The following NUP98 variants were observed in gnomAD, a reference collection of about 807,000 sequenced individuals.
NUP98 encodes the protein nuclear pore complex protein Nup98-Nup96.
In NUP98, 26 loss-of-function variants were observed where a neutral mutation model predicts 191.9. The ratio of observed to expected loss-of-function variants is 0.14; its 90% confidence interval spans 0.10 to 0.19. NUP98 has a LOEUF of 0.19. Ranked by LOEUF, NUP98 falls within the 10% of genes least tolerant of loss-of-function variation. The pLI is 1.00. For synonymous variants in NUP98, 808 were observed against 778.4 expected (o/e 1.04, Z -0.63); for missense variants, 1,941 against 2,178.8 (o/e 0.89, Z 2.17).
At chr11:3,702,309 ACACACTCTCTCTCTCTCTCTCTCT>A (rs1188551281) in intron 23 of NUP98, among the ~76,000 whole-genome samples, 130 bp downstream of exon 23, 116 of 53,824 alleles carry the variant, frequency 2.2e-3, no homozygotes, top group South Asian at 2.6e-3. Flanking sequence ...ACACACACAC[ACACACTCTCTCTCTCTCTCTCTCT>A]CTCTCTCTCT....
At chr11:3,724,169 C>T (rs575097566) in intron 15 of NUP98, among the ~76,000 whole-genome samples, 3 of 151,924 alleles carry the variant, frequency 2.0e-5, no homozygotes, top group African/African-American at 4.8e-5. Context: ...TGGTGGATAA[C>T]GCTTGTAATC....
chr11:3,709,545 T>G (rs1364183806), intron 20 of NUP98, among the ~76,000 whole-genome samples: 1 of 151,214 alleles, frequency 6.6e-6, no homozygotes, highest in Non-Finnish European at 1.5e-5. Flanking sequence ...TCTAAAACAA[T>G]AAATAAATAA....
intron 27 of NUP98, among the ~76,000 whole-genome samples, chr11:3,692,469 T>C (rs2078347117): frequency 6.6e-6 from 1 of 151,198 alleles, no homozygotes; most frequent in Non-Finnish European, 1.5e-5. Context: ...CTACTAAAAA[T>C]ACAAAAAATT....
intron 8 of NUP98, among the ~76,000 whole-genome samples, chr11:3,764,404 G>A (rs925323195): frequency 1.3e-5 from 2 of 152,126 alleles, no homozygotes; most frequent in East Asian, 3.8e-4. Context: ...ATGCTGTTAT[G>A]TTCACTTGTG....
chr11:3,683,712 A>G (rs938735798), intron 29 of NUP98, among the ~76,000 whole-genome samples: 6 of 63,998 alleles, frequency 9.4e-5, no homozygotes, highest in African/African-American at 2.2e-4. Flanking sequence ...CTAATTTTGT[A>G]ATTTTAGTAG....
At chr11:3,792,535 C>T (rs1221804315) in intron 1 of NUP98, among the ~76,000 whole-genome samples, 3 of 151,734 alleles carry the variant, frequency 2.0e-5, no homozygotes, top group African/African-American at 4.8e-5. Context: ...CACCTGAACC[C>T]GGAATGCAGA....
intron 1 of NUP98, among the ~76,000 whole-genome samples, chr11:3,794,114 G>T (rs2082449063): frequency 6.6e-6 from 1 of 152,164 alleles, no homozygotes. Flanking sequence ...ATGGGTAGAG[G>T]TAGGAATGTT....
chr11:3,729,294 G>A (rs1322830882), intron 14 of NUP98, among the ~76,000 whole-genome samples: 5 of 152,050 alleles, frequency 3.3e-5, no homozygotes, highest in African/African-American at 7.2e-5. Flanking sequence ...CAGTAAAGGG[G>A]ACTGAGAAGC....
chr11:3,720,617 G>A lies in NUP98; in HGVS notation c.2260+95C>T, dbSNP rs192179589. 1,180 of 627,926 alleles carry A rather than the reference G, an allele frequency of 1.9e-3. 6 individuals are homozygous for A. Among genetic ancestry groups the A allele is most frequent in the Non-Finnish European group, 2.3e-3 (826 of 355,670 alleles). 38.9% of individuals were successfully genotyped at this position (627,926 alleles called of 1,614,324 possible). A position where few individuals can be genotyped will look rare whatever the true frequency, so the allele number is the denominator to read the frequency against. ...TCAGGCCAAGGTGGGCCCAAATGTA[G>A]GAAAATGAAGATTCAGCTATCAAAA... On this transcript the variant is annotated intron_variant, in intron 17 of 32. Transcript: ENST00000324932.
In NUP98 at chr11:3,746,294, A is replaced by AAAAAAAAAAG. The variant is rs144936005; in HGVS notation, c.1268-1646_1268-1645insCTTTTTTTTT. Among the ~76,000 whole-genome samples the AAAAAAAAAAG allele has an allele frequency of 7.5e-4, 70 of 93,056 alleles. 10 individuals are homozygous for AAAAAAAAAAG. The highest frequency in any genetic ancestry group is 1.7e-3 in the East Asian group (6 of 3,578). 61.0% of individuals were successfully genotyped at this position (93,056 alleles called of 152,430 possible). On this transcript the variant is annotated intron_variant, in intron 11 of 32. Coordinates refer to ENST00000324932, the MANE Select transcript of NUP98 (RefSeq NM_016320.5). ...CAAAAAAAAAAAAAAAAAAAAAAAA[A>AAAAAAAAAAG]GACAGCTTTGGGACAAAGAATAAGA...
chr11:3,722,102 ATTC>A (rs1200633341), intron 16 of NUP98, among the ~76,000 whole-genome samples: 1 of 147,540 alleles, frequency 6.8e-6, no homozygotes, highest in African/African-American at 2.5e-5. Flanking sequence ...AGCACCTGGA[ATTC>A]TTTTTTTTTT....
chr11:3,775,051 CAT>C (rs780447167), intron 5 of NUP98, among the ~76,000 whole-genome samples: 53 of 152,306 alleles, frequency 3.5e-4, no homozygotes, highest in African/African-American at 9.1e-4. Context: ...TGGCATTCCA[CAT>C]GTTTCTGTAA....
chr11:3,705,208 C>T lies in NUP98; in HGVS notation c.3074G>A (p.Arg1025His), dbSNP rs148842868. 1.1e-4 allele frequency: 170 copies of T among 1,614,038 alleles called. No individual in the cohort carries two copies. The Admixed American group carries it at 1.6e-3, about 16-fold the overall frequency. The change falls in exon 22 of 33, where the codon CGT becomes CAT. Residue 1025 changes from arginine (R) to histidine (H), a missense_variant. Physicochemically the swap from Arg to His is conservative, Grantham distance 29 (BLOSUM62 0). This residue lies in a region of NUP98 where 1,030 missense variants were observed against 1,115.8 expected (regional missense o/e 0.92). Coordinates refer to ENST00000324932, the MANE Select transcript of NUP98 (RefSeq NM_016320.5). ...CATCTTTTATACTGTACCTAGTGAACGAGTTTTCGACGAGTGGGATGCTGA... is the reference window on the plus strand; with the variant it reads ...CATCTTTTATACTGTACCTAGTGAATGAGTTTTCGACGAGTGGGATGCTGA... ...PISASHSSKT[R>H]SLVGGLLQSK... is the part of the protein sequence containing the mutation.
intron 22 of NUP98, among the ~76,000 whole-genome samples, chr11:3,704,826 G>GC (rs1303782181): frequency 3.3e-5 from 5 of 152,164 alleles, no homozygotes; most frequent in African/African-American, 1.2e-4. Context: ...GGGCAAGATA[G>GC]CAAGATCCAT....
chr11:3,794,675 G>A (rs988862121), intron 1 of NUP98, among the ~76,000 whole-genome samples: 3 of 152,098 alleles, frequency 2.0e-5, no homozygotes, highest in Non-Finnish European at 4.4e-5. Flanking sequence ...GGAAAGCAGT[G>A]GTGCAATCAC....
Position 3,689,876 on chromosome 11 carries a change from A to G in NUP98, c.4454+1471T>C, listed in dbSNP as rs186154136. Reference sequence around the variant, plus strand: ...GGCCTCGAACTCCTGGGCTCAAGTGATCTGCTGGCCTTGGCCTTCCAAAGT... The same window carrying G: ...GGCCTCGAACTCCTGGGCTCAAGTGGTCTGCTGGCCTTGGCCTTCCAAAGT... On this transcript the variant is annotated intron_variant, in intron 28 of 32. Coordinates refer to ENST00000324932, the MANE Select transcript of NUP98 (RefSeq NM_016320.5). Among the ~76,000 whole-genome samples the G allele has an allele frequency of 4.4e-3, 652 of 148,770 alleles. 3 individuals are homozygous for G. Among genetic ancestry groups the G allele is most frequent in the African/African-American group, 0.015 (619 of 40,380 alleles).
chr11:3,712,809 C>A, intron 19 of NUP98, 81 bp from the exon 20 acceptor site: 1 of 1,430,986 alleles, frequency 7.0e-7, no homozygotes, highest in Non-Finnish European at 9.5e-7. Flanking sequence ...GCAGCATTAC[C>A]TTAAGAAAAA....
chr11:3,784,599 A>AAAC (rs1343932495), intron 1 of NUP98, among the ~76,000 whole-genome samples: 1 of 149,290 alleles, frequency 6.7e-6, no homozygotes, highest in Non-Finnish European at 1.5e-5. Flanking sequence ...AAAAAAACAA[A>AAAC]AAAAAACAAA....
chr11:3,782,164 T>C lies in NUP98; in HGVS notation c.-28-19A>G. On this transcript the variant is annotated intron_variant, in intron 1 of 32. Transcript: ENST00000324932. The stretch of plus-strand genomic sequence containing the variant: ...CAGAAAGCTGGGAAAAAGAAAACAT[T>C]ATCACTCTCTTAAAGACCACAAAAT... The C allele has an allele frequency of 7.5e-7, 1 of 1,340,240 alleles. No individual in the cohort carries two copies. Among genetic ancestry groups the C allele is most frequent in the Non-Finnish European group, 1.1e-6 (1 of 941,132 alleles). 83.0% of individuals were successfully genotyped at this position (1,340,240 alleles called of 1,614,324 possible).
Sources: gnomAD v4.1 joint callset for allele counts (sites outside exome capture counted in the v4.1 genomes callset) on GRCh38, gnomAD v4.1.1 for gene constraint, gnomAD v4.1.1 regional missense constraint, MANE v1.5 for transcripts, NCBI Gene and HGNC (gene_info 2026-07-23, HGNC 2026-07-21) for gene names.